Variants in PARD3 observed in about 807,000 individuals in gnomAD.
The protein encoded by PARD3 is partitioning defective 3 homolog.
In PARD3, 75 loss-of-function variants were observed where a neutral mutation model predicts 155.4. The ratio of observed to expected loss-of-function variants is 0.48; its 90% CI spans 0.40 to 0.58. PARD3 has a LOEUF of 0.58. Among genes scored for constraint, PARD3 ranks in the 20% least tolerant of loss-of-function variants. PARD3 has a pLI of 0.00. For synonymous variants in PARD3, 576 were observed against 610.5 expected (o/e 0.94, Z 0.83); for missense variants, 1,642 against 1,721.7 (o/e 0.95, Z 0.82).
chr10:34,155,267 C>T (rs11819025), intron 22 of PARD3, among the ~76,000 whole-genome samples: 198 of 152,198 alleles, frequency 1.3e-3, no homozygotes, highest in African/African-American at 4.5e-3. Flanking sequence ...GCTGAAATGT[C>T]CAAATAAATA....
At chr10:34,170,760 C>T (rs951706492) in intron 22 of PARD3, among the ~76,000 whole-genome samples, 1 of 152,210 alleles carries the variant, frequency 6.6e-6, no homozygotes, top group Non-Finnish European at 1.5e-5. Flanking sequence ...AGAAAGCCTA[C>T]AGCAAGAGGG....
intron 5 of PARD3, among the ~76,000 whole-genome samples, chr10:34,443,556 A>G (rs547386165): frequency 3.7e-4 from 57 of 152,134 alleles, no homozygotes; most frequent in Non-Finnish European, 6.8e-4. Context: ...CAGGCAAAGA[A>G]AGAGCTCGAG....
chr10:34,472,217 TGAGA>T (rs1228556985), intron 3 of PARD3, among the ~76,000 whole-genome samples: 21 of 152,216 alleles, frequency 1.4e-4, no homozygotes, highest in Non-Finnish European at 2.8e-4. Flanking sequence ...CTTAATGTGC[TGAGA>T]GAAACATAAA....
chr10:34,466,594 G>A (rs1346060399), intron 4 of PARD3, among the ~76,000 whole-genome samples: 1 of 151,940 alleles, frequency 6.6e-6, no homozygotes, highest in African/African-American at 2.4e-5. Context: ...TAAATCAGAG[G>A]GCTATGAATG....
At chr10:34,725,038 T>C (rs2094676921) in intron 1 of PARD3, among the ~76,000 whole-genome samples, 2 of 151,976 alleles carry the variant, frequency 1.3e-5, no homozygotes, top group African/African-American at 4.8e-5. Flanking sequence ...TTCCCTCATC[T>C]GAGAAATGTG....
intron 2 of PARD3, among the ~76,000 whole-genome samples, chr10:34,581,851 T>C (rs1290213906): frequency 6.6e-6 from 1 of 152,186 alleles, no homozygotes; most frequent in Non-Finnish European, 1.5e-5. Flanking sequence ...ATAACGATAT[T>C]ATGGGCAATC....
At chr10:34,771,961 T>G (rs1427963219) in intron 1 of PARD3, among the ~76,000 whole-genome samples, 3 of 152,128 alleles carry the variant, frequency 2.0e-5, no homozygotes, top group Non-Finnish European at 2.9e-5. Flanking sequence ...GGGTAAAAAG[T>G]CATTTGTGGA....
intron 1 of PARD3, among the ~76,000 whole-genome samples, chr10:34,699,071 C>T (rs2094226473): frequency 6.6e-6 from 1 of 152,154 alleles, no homozygotes; most frequent in South Asian, 2.1e-4. Context: ...ACTCTATAAA[C>T]TTGGCTTGTA....
At chr10:34,719,206 A>C (rs1046113923) in intron 1 of PARD3, among the ~76,000 whole-genome samples, 10 of 152,194 alleles carry the variant, frequency 6.6e-5, no homozygotes, top group Non-Finnish European at 1.3e-4. Flanking sequence ...CCTAACCTTC[A>C]TGTCATCATT....
chr10:34,650,434 A>C (rs895717770), intron 2 of PARD3, among the ~76,000 whole-genome samples: 1 of 152,200 alleles, frequency 6.6e-6, no homozygotes, highest in Admixed American at 6.5e-5. Flanking sequence ...TTGTATTTGC[A>C]TGTGAACTGC....
chr10:34,725,467 T>C (rs2094690947), intron 1 of PARD3, among the ~76,000 whole-genome samples: 1 of 152,122 alleles, frequency 6.6e-6, no homozygotes, highest in Admixed American at 6.6e-5. Context: ...GTCAAAACTT[T>C]TCAAGCTCTC....
intron 2 of PARD3, among the ~76,000 whole-genome samples, chr10:34,632,699 T>TGCA (rs2092318477): frequency 6.6e-6 from 1 of 152,226 alleles, no homozygotes; most frequent in South Asian, 2.1e-4. Flanking sequence ...AGTCAAAAGC[T>TGCA]TATTATACTG....
chr10:34,222,163 C>A (rs926339467), intron 22 of PARD3, among the ~76,000 whole-genome samples: 1 of 152,126 alleles, frequency 6.6e-6, no homozygotes, highest in Non-Finnish European at 1.5e-5. Context: ...GGGAAGGAGA[C>A]CACAGAAGAA....
intron 22 of PARD3, among the ~76,000 whole-genome samples, chr10:34,147,616 CAAT>C (rs1948579056): frequency 6.6e-6 from 1 of 151,834 alleles, no homozygotes; most frequent in Non-Finnish European, 1.5e-5. Context: ...ATTTGTCTCA[CAAT>C]GATATCTACT....
chr10:34,200,786 G>C (rs1296544853), intron 22 of PARD3, among the ~76,000 whole-genome samples: 1 of 152,234 alleles, frequency 6.6e-6, no homozygotes, highest in East Asian at 1.9e-4. Flanking sequence ...TGGAACAAAA[G>C]CTCACATGCA....
At chr10:34,446,406 T>G (rs150658704) in intron 5 of PARD3, among the ~76,000 whole-genome samples, 6 of 152,092 alleles carry the variant, frequency 3.9e-5, no homozygotes, top group Admixed American at 2.6e-4. Flanking sequence ...TGGCGGGTAT[T>G]GTATCACTTG....
intron 10 of PARD3, among the ~76,000 whole-genome samples, chr10:34,376,281 T>C (rs1841229250): frequency 6.6e-6 from 1 of 152,212 alleles, no homozygotes; most frequent in South Asian, 2.1e-4. Context: ...AGGTTGCAGG[T>C]CTTTCTCACT....
intron 19 of PARD3, among the ~76,000 whole-genome samples, chr10:34,323,695 AT>A (rs1958512882): frequency 6.6e-6 from 1 of 152,190 alleles, no homozygotes; most frequent in Non-Finnish European, 1.5e-5. Context: ...TCTTTAACCC[AT>A]CCCCCTCAAA....
At chr10:34,579,566 G>GTGTGTGTGTGTGTGTGTGTA (rs1165397790) in intron 2 of PARD3, among the ~76,000 whole-genome samples, 42 of 135,608 alleles carry the variant, frequency 3.1e-4, no homozygotes, top group African/African-American at 1.2e-3. Context: ...GTGTGTGTGT[G>GTGTGTGTGTGTGTGTGTGTA]TGTGTGTGTG....
Sources: allele counts gnomAD v4.1 joint callset (sites outside exome capture counted in the v4.1 genomes callset), GRCh38; gene constraint gnomAD v4.1.1; transcripts MANE v1.5; gene names NCBI Gene and HGNC (gene_info 2026-07-23, HGNC 2026-07-21).